Variants in ELOVL2 observed in about 807,000 individuals in gnomAD.
ELOVL2 encodes the protein very long chain fatty acid elongase 2.
A neutral mutation model predicts 37.7 loss-of-function variants in ELOVL2; 38 were observed. The ratio of observed to expected loss-of-function variants is 1.01; its 90% CI spans 0.78 to 1.32. The LOEUF (loss-of-function observed/expected upper bound fraction) is 1.32. ELOVL2 is among the 40% of genes most tolerant of loss of function. ELOVL2 has a pLI of 0.00. For synonymous variants in ELOVL2, 115 were observed against 122.3 expected (o/e 0.94, Z 0.40); for missense variants, 352 against 363.6 (o/e 0.97, Z 0.26).
At chr6:11,029,076 A>T (rs1782880569) in intron 1 of ELOVL2, among the ~76,000 whole-genome samples, 1 of 140,132 alleles carries the variant, frequency 7.1e-6, no homozygotes, top group Non-Finnish European at 1.6e-5. Context: ...AAAAAAAAAA[A>T]AAAAAGCTGG....
Position 10,996,640 on chromosome 6 carries a change from G to A in ELOVL2, c.334-1462C>T, listed in dbSNP as rs556836524. On this transcript the variant is annotated intron_variant, in intron 4 of 7. Transcript: ENST00000354666. ...AACCGAGATCACGCCACTGCACTCC[G>A]GCCTGGGGGAGAGTGAGACTCTGCC... is the stretch of plus-strand genomic sequence containing the variant. 2.0e-4 allele frequency among the ~76,000 whole-genome samples: 30 copies of A among 149,888 alleles called. No homozygotes were observed. The South Asian group carries it at 5.7e-3, about 29-fold the overall frequency.
chr6:11,041,365 C>T (rs942702782), intron 1 of ELOVL2, among the ~76,000 whole-genome samples: 3 of 152,144 alleles, frequency 2.0e-5, no homozygotes, highest in Admixed American at 6.5e-5. Flanking sequence ...CTGACTAAAA[C>T]GTTTTGAAGG....
At position 11,016,857 on chromosome 6, in the gene ELOVL2, T is replaced by A. The variant is rs79567915; in HGVS notation, c.4-6048A>T. Among the ~76,000 whole-genome samples the A allele has an allele frequency of 8.1e-4, 124 of 152,318 alleles. 1 individual carries two copies. Among genetic ancestry groups the A allele is most frequent in the African/African-American group, 2.8e-3 (118 of 41,564 alleles). ...GATACATAAAAATGCATAAAATTATTTGGCTGTCGTGCAGCTGACTTCACA... is the reference window on the plus strand; with the variant it reads ...GATACATAAAAATGCATAAAATTATATGGCTGTCGTGCAGCTGACTTCACA... On this transcript the variant is annotated intron_variant, in intron 1 of 7. Coordinates refer to ENST00000354666, the MANE Select transcript of ELOVL2 (RefSeq NM_017770.4).
chr6:11,005,256 A>G (rs1006408842), intron 3 of ELOVL2, 116 bp downstream of exon 3: 10 of 834,640 alleles, frequency 1.2e-5, no homozygotes, highest in African/African-American at 1.7e-5. Context: ...AAATGCTGGA[A>G]TAAGTTTTTA....
intron 3 of ELOVL2, among the ~76,000 whole-genome samples, chr6:11,004,565 T>G (rs551852244): frequency 2.6e-5 from 4 of 152,256 alleles, no homozygotes; most frequent in African/African-American, 9.6e-5. Context: ...ACAGAGGAAT[T>G]TGGAGCACAG....
chr6:10,987,361 T>G (rs1782070607), intron 7 of ELOVL2, among the ~76,000 whole-genome samples: 1 of 152,220 alleles, frequency 6.6e-6, no homozygotes, highest in African/African-American at 2.4e-5. Context: ...AGTTCTGCTC[T>G]GATTTTAGTT....
intron 1 of ELOVL2, among the ~76,000 whole-genome samples, chr6:11,026,218 G>A (rs887469646): frequency 5.9e-5 from 9 of 152,168 alleles, no homozygotes; most frequent in Admixed American, 5.9e-4. Context: ...ATCCTGCTCT[G>A]ATTCCATAAA....
At chr6:10,999,257 T>TTTG (rs1330103675) in intron 4 of ELOVL2, among the ~76,000 whole-genome samples, 1 of 152,176 alleles carries the variant, frequency 6.6e-6, no homozygotes, top group African/African-American at 2.4e-5. Flanking sequence ...TAAATTTAAT[T>TTTG]TTGTTTTATA....
chr6:11,008,302 G>T (rs1306838837), intron 2 of ELOVL2, among the ~76,000 whole-genome samples: 1 of 152,182 alleles, frequency 6.6e-6, no homozygotes. Flanking sequence ...GTAAACAACT[G>T]TAATCCTTTC....
chr6:11,024,784 C>G (rs1448978662), intron 1 of ELOVL2, among the ~76,000 whole-genome samples: 1 of 152,178 alleles, frequency 6.6e-6, no homozygotes, highest in Non-Finnish European at 1.5e-5. Context: ...ACAAATTTCT[C>G]AAAAGTAACC....
intron 1 of ELOVL2, among the ~76,000 whole-genome samples, chr6:11,041,064 T>A (rs1304983374): frequency 6.6e-6 from 1 of 152,234 alleles, no homozygotes; most frequent in African/African-American, 2.4e-5. Flanking sequence ...TACAAATGCG[T>A]GAATCTGTAA....
Position 11,032,699 on chromosome 6 carries a change from C to G in ELOVL2, c.3+11529G>C, listed in dbSNP as rs75582854. 8.0e-4 allele frequency among the ~76,000 whole-genome samples: 122 copies of G among 152,330 alleles called. 3 individuals carry two copies. The East Asian group carries it at 0.02, about 25-fold the overall frequency. ...CAGACAAGTATTATTTGAGCATCTACTGTCTGCAGGTACCTTTCTAGTGCT... is the reference window on the plus strand; with the variant it reads ...CAGACAAGTATTATTTGAGCATCTAGTGTCTGCAGGTACCTTTCTAGTGCT... On this transcript the variant is annotated intron_variant, in intron 1 of 7. Coordinates refer to ENST00000354666, the MANE Select transcript of ELOVL2 (RefSeq NM_017770.4).
chr6:11,033,333 A>T (rs1352074494), intron 1 of ELOVL2, among the ~76,000 whole-genome samples: 1 of 152,244 alleles, frequency 6.6e-6, no homozygotes, highest in African/African-American at 2.4e-5. Flanking sequence ...CGAATCCAAT[A>T]CACTTAAGAG....
chr6:11,031,000 T>C (rs1782922576), intron 1 of ELOVL2, among the ~76,000 whole-genome samples: 1 of 152,196 alleles, frequency 6.6e-6, no homozygotes. Flanking sequence ...CAAGCAAAAA[T>C]AGTTTTGTAC....
intron 5 of ELOVL2, among the ~76,000 whole-genome samples, chr6:10,990,672 C>CT (rs1554110755): frequency 3.7e-5 from 4 of 108,852 alleles, no homozygotes; most frequent in African/African-American, 9.7e-5. Context: ...AGAATGCCCC[C>CT]CCCCCGCCAC....
intron 2 of ELOVL2, among the ~76,000 whole-genome samples, chr6:11,009,264 A>G (rs1295594609): frequency 1.3e-5 from 2 of 152,106 alleles, no homozygotes; most frequent in Non-Finnish European, 2.9e-5. Context: ...GCCTGCAGAT[A>G]CTCCCAAACC....
chr6:11,037,044 G>A (rs145169620), intron 1 of ELOVL2, among the ~76,000 whole-genome samples: 19 of 140,026 alleles, frequency 1.4e-4, no homozygotes, highest in Non-Finnish European at 2.6e-4. Context: ...CAGAGGAAGA[G>A]AGGCAGAGAG....
chr6:11,003,974 T>G (rs926094414), intron 3 of ELOVL2, among the ~76,000 whole-genome samples: 1 of 151,496 alleles, frequency 6.6e-6, no homozygotes, highest in Non-Finnish European at 1.5e-5. Flanking sequence ...TCCCAGCCAC[T>G]CGTGAGGCTG....
chr6:11,011,172 G>A (rs3945981), intron 1 of ELOVL2, among the ~76,000 whole-genome samples: 67,111 of 151,656 alleles, frequency 0.44, 16,068 homozygotes, highest in East Asian at 0.91. Context: ...AGACCATCCT[G>A]GCTAACATGG....
Sources: allele counts gnomAD v4.1 joint callset (sites outside exome capture counted in the v4.1 genomes callset), GRCh38; gene constraint gnomAD v4.1.1; transcripts MANE v1.5; gene names NCBI Gene and HGNC (gene_info 2026-07-23, HGNC 2026-07-21).